LSAMP: variants seen among roughly 807,000 people sequenced by gnomAD.
The protein encoded by LSAMP is limbic system-associated membrane protein.
In LSAMP, 7 loss-of-function variants were observed where a neutral mutation model predicts 38.6. The observed-to-expected ratio is 0.18, with a 90% confidence interval of 0.10 to 0.34. The LOEUF is 0.34. Ranked by LOEUF, LSAMP falls within the 10% of genes least tolerant of loss-of-function variation. The pLI is 1.00. For synonymous variants in LSAMP, 154 were observed against 166.8 expected (o/e 0.92, Z 0.59); for missense variants, 313 against 420.0 (o/e 0.75, Z 2.23).
chr3:115,883,740 A>G (rs1329179951), intron 3 of LSAMP, among the ~76,000 whole-genome samples: 1 of 152,068 alleles, frequency 6.6e-6, no homozygotes, highest in Non-Finnish European at 1.5e-5. Context: ...ATGTATTTAT[A>G]CACAAATGGT....
chr3:116,324,936 G>A (rs149459299), intron 1 of LSAMP, among the ~76,000 whole-genome samples: 15 of 151,842 alleles, frequency 9.9e-5, no homozygotes, highest in African/African-American at 2.4e-4. Flanking sequence ...TTCTATTGCC[G>A]TCCTTCATAG....
chr3:116,021,527 G>A (rs943735592), intron 2 of LSAMP, among the ~76,000 whole-genome samples: 8 of 152,078 alleles, frequency 5.3e-5, no homozygotes, highest in Non-Finnish European at 1.0e-4. Context: ...TAGTGTTTCA[G>A]AACATAATGT....
chr3:116,132,091 G>A (rs938206683), intron 1 of LSAMP, among the ~76,000 whole-genome samples: 1 of 152,098 alleles, frequency 6.6e-6, no homozygotes, highest in African/African-American at 2.4e-5. Context: ...ACCTCCCAAA[G>A]TGCTGGGATT....
At chr3:116,296,421 T>A (rs747308978) in intron 1 of LSAMP, among the ~76,000 whole-genome samples, 3 of 152,032 alleles carry the variant, frequency 2.0e-5, no homozygotes, top group Non-Finnish European at 4.4e-5. Flanking sequence ...CAATGATTTA[T>A]CTTTAAGAAA....
At chr3:115,852,444 C>A in intron 4 of LSAMP, 39 bp downstream of exon 4, 1 of 1,575,656 alleles carries the variant, frequency 6.3e-7, no homozygotes, top group East Asian at 2.3e-5. Flanking sequence ...AGAGGTGCAC[C>A]CTGGGCACCT....
chr3:115,943,261 G>A (rs933250670), intron 3 of LSAMP, among the ~76,000 whole-genome samples: 7 of 152,056 alleles, frequency 4.6e-5, no homozygotes, highest in Non-Finnish European at 7.4e-5. Flanking sequence ...GTTACTTTAT[G>A]GGTCTATTCT....
intron 3 of LSAMP, among the ~76,000 whole-genome samples, chr3:115,964,501 C>T (rs1373942672): frequency 6.6e-6 from 1 of 152,102 alleles, no homozygotes; most frequent in East Asian, 1.9e-4. Context: ...TTCAAGAATG[C>T]CCTCTATCAC....
chr3:116,341,484 T>A (rs1206666683), intron 1 of LSAMP, among the ~76,000 whole-genome samples: 1 of 151,936 alleles, frequency 6.6e-6, no homozygotes, highest in Admixed American at 6.6e-5. Flanking sequence ...AGATGTCATA[T>A]AAATTGACCA....
intron 1 of LSAMP, among the ~76,000 whole-genome samples, chr3:116,247,445 G>T (rs1255098612): frequency 1.3e-5 from 2 of 152,148 alleles, no homozygotes; most frequent in Admixed American, 6.5e-5. Flanking sequence ...TTGATAGACT[G>T]AAAAAGTATT....
At chr3:115,973,640 A>C (rs558569938) in intron 3 of LSAMP, among the ~76,000 whole-genome samples, 1 of 152,234 alleles carries the variant, frequency 6.6e-6, no homozygotes, top group Admixed American at 6.5e-5. Flanking sequence ...AGGCTGAGAC[A>C]GGAGAATCAC....
intron 1 of LSAMP, among the ~76,000 whole-genome samples, chr3:116,261,230 T>A (rs2046821360): frequency 6.6e-6 from 1 of 152,198 alleles, no homozygotes; most frequent in African/African-American, 2.4e-5. Context: ...ACCCTAAAGT[T>A]CTTTAATCAT....
chr3:116,336,687 T>A (rs918087428), intron 1 of LSAMP, among the ~76,000 whole-genome samples: 5 of 151,946 alleles, frequency 3.3e-5, no homozygotes, highest in African/African-American at 1.2e-4. Flanking sequence ...TGGGTACTGT[T>A]GGTGAGAATG....
chr3:116,200,873 C>T (rs1171801496), intron 1 of LSAMP, among the ~76,000 whole-genome samples: 1 of 152,206 alleles, frequency 6.6e-6, no homozygotes, highest in Non-Finnish European at 1.5e-5. Context: ...GGTAAATAAG[C>T]ATCCAAGCTC....
intron 2 of LSAMP, among the ~76,000 whole-genome samples, chr3:116,083,207 G>A (rs758319430): frequency 6.6e-6 from 1 of 152,122 alleles, no homozygotes; most frequent in Admixed American, 6.5e-5. Flanking sequence ...CCTTAGGACA[G>A]GAGTGAGTTT....
At chr3:115,960,298 G>A (rs544640355) in intron 3 of LSAMP, among the ~76,000 whole-genome samples, 24 of 152,292 alleles carry the variant, frequency 1.6e-4, no homozygotes, top group African/African-American at 5.8e-4. Context: ...ACAAGCCAAG[G>A]GAAGAGGTGT....
chr3:115,816,709 A>C (rs1046310644), intron 6 of LSAMP: 1 of 978,392 alleles, frequency 1.0e-6, no homozygotes, highest in Non-Finnish European at 1.4e-6. Context: ...TTAAGAAGAA[A>C]CACAAAGGTA....
intron 1 of LSAMP, among the ~76,000 whole-genome samples, chr3:116,169,609 C>T (rs1449415164): frequency 5.9e-5 from 9 of 152,186 alleles, no homozygotes; most frequent in Admixed American, 2.6e-4. Flanking sequence ...ATCCCCATTC[C>T]TCACAGAGAA....
rs558730290 is a variant in LSAMP, at chr3:115,974,298, C to T, written c.514+45217G>A. ...AGAGGGAGTTGCAGTGAGCTGAGACCGCACCACTGCACTCCAGCCTAGGCG... is the reference window on the plus strand; with the variant it reads ...AGAGGGAGTTGCAGTGAGCTGAGACTGCACCACTGCACTCCAGCCTAGGCG... On this transcript the variant is annotated intron_variant, in intron 3 of 6. Transcript: ENST00000490035. Among the ~76,000 whole-genome samples the T allele has an allele frequency of 2.9e-3, 439 of 151,868 alleles. 3 individuals are homozygous for T. The highest frequency in any genetic ancestry group is 9.8e-3 in the African/African-American group (406 of 41,412).
chr3:116,249,349 A>C (rs2046648340), intron 1 of LSAMP, among the ~76,000 whole-genome samples: 2 of 151,388 alleles, frequency 1.3e-5, no homozygotes, highest in Admixed American at 6.6e-5. Context: ...CCTGGAAGCT[A>C]GTAGTTCTCA....
Sources: gnomAD v4.1 joint callset for allele counts (sites outside exome capture counted in the v4.1 genomes callset) on GRCh38, gnomAD v4.1.1 for gene constraint, MANE v1.5 for transcripts, NCBI Gene and HGNC (gene_info 2026-07-23, HGNC 2026-07-21) for gene names.